TBC1D31: variants seen among roughly 807,000 people sequenced by gnomAD.
TBC1D31 encodes the protein WD repeat domain 67.
In TBC1D31, 99 loss-of-function variants were observed where a neutral mutation model predicts 132.9. The ratio of observed to expected loss-of-function variants is 0.74; its 90% CI spans 0.63 to 0.88. TBC1D31 has a LOEUF of 0.88. Ranked by LOEUF, TBC1D31 falls within the 40% of genes least tolerant of loss-of-function variation. The probability of loss-of-function intolerance (pLI) is 0.00; values close to 1 mark genes in which losing one functional copy is unlikely to be tolerated. For synonymous variants in TBC1D31, 385 were observed against 419.4 expected (o/e 0.92, Z 1.00); for missense variants, 1,134 against 1,256.6 (o/e 0.90, Z 1.48).
rs1021909436 is a variant in TBC1D31 at position 123,102,254 on chromosome 8, T to C, written c.1032+1247T>C. ...CCCTTTCATTTTACACAGGAAGAAG[T>C]TCGTGCTCAAAATTAATCACACAGC... On this transcript the variant is annotated intron_variant, in intron 7 of 21. Coordinates refer to ENST00000287380, the MANE Select transcript of TBC1D31 (RefSeq NM_145647.4). 5 of 456,758 alleles carry C rather than the reference T, an allele frequency of 1.1e-5. No homozygotes were observed. The Admixed American group carries it at 1.2e-4, about 11-fold the overall frequency. 28.3% of individuals were successfully genotyped at this position (456,758 alleles called of 1,614,324 possible). A position where few individuals can be genotyped will look rare whatever the true frequency, so the allele number is the denominator to read the frequency against.
chr8:123,110,761 A>G (rs1818366133), intron 10 of TBC1D31, among the ~76,000 whole-genome samples: 1 of 152,212 alleles, frequency 6.6e-6, no homozygotes, highest in Admixed American at 6.5e-5. Flanking sequence ...CACAAAAAAG[A>G]ATTAATAATT....
Position 123,088,189 on chromosome 8 carries a change from C to CAAA in TBC1D31, c.519+3860_519+3862dup, listed in dbSNP as rs71573665. 6.7e-4 allele frequency among the ~76,000 whole-genome samples: 94 copies of CAAA among 139,920 alleles called. 1 individual carries two copies. Among genetic ancestry groups the CAAA allele is most frequent in the African/African-American group, 2.0e-3 (78 of 39,000 alleles). 91.8% of individuals were successfully genotyped at this position (139,920 alleles called of 152,430 possible). ...GGGCAACAGAGCGAGACTCTTGTCT[C>CAAA]AAAAAAAAAAAAATACAATACAATA... On this transcript the variant is annotated intron_variant, in intron 4 of 21. Coordinates refer to ENST00000287380, the MANE Select transcript of TBC1D31 (RefSeq NM_145647.4).
downstream of TBC1D31, among the ~76,000 whole-genome samples, chr8:123,152,344 C>T (rs894318609): frequency 2.6e-5 from 4 of 152,186 alleles, no homozygotes; most frequent in East Asian, 7.7e-4. Context: ...ATATCACCAT[C>T]TTCCTGCCCA....
chr8:123,144,758 A>C lies in TBC1D31; in HGVS notation c.2877A>C (p.Ala959=). 1.2e-6 allele frequency: 2 copies of C among 1,612,518 alleles called. No individual in the cohort carries two copies. Among genetic ancestry groups the C allele is most frequent in the Non-Finnish European group, 1.7e-6 (2 of 1,179,638 alleles). The part of the protein sequence containing the change: ...AEGKEFRLRS[A]KKASALSDAS... ...GAAAAGAGTTCCGTTTGAGATCAGC[A>C]AAGAAAGCTTCTGCTCTTTCAGATG... is the stretch of plus-strand genomic sequence containing the variant. Residue 959 remains alanine, a synonymous_variant, in exon 20 of 22, where the codon GCA becomes GCC. Transcript: ENST00000287380.
At chr8:123,154,617 C>T (rs531349846), downstream of TBC1D31, among the ~76,000 whole-genome samples, 1 of 152,334 alleles carries the variant, frequency 6.6e-6, no homozygotes, top group South Asian at 2.1e-4. Context: ...CACAAGAAAC[C>T]ACCCTCAGGC....
chr8:123,093,760 A>G lies in TBC1D31; in HGVS notation c.671+18A>G. The G allele has an allele frequency of 2.1e-6, 3 of 1,425,192 alleles. No individual in the cohort carries two copies. The highest frequency in any genetic ancestry group is 2.8e-6 in the Non-Finnish European group (3 of 1,068,446). 88.3% of individuals were successfully genotyped at this position (1,425,192 alleles called of 1,614,324 possible). A position where few individuals can be genotyped will look rare whatever the true frequency, so the allele number is the denominator to read the frequency against. On this transcript the variant is annotated intron_variant, in intron 5 of 21. Transcript: ENST00000287380. ...GTAACCAGGTAATGTGCATTTTAAG[A>G]CACTAGGAATATTTAAGAAATTTAA...
Position 123,084,219 on chromosome 8 carries a change from C to T in TBC1D31, c.398C>T (p.Ser133Phe), listed in dbSNP as rs1003696910. ...CATGAATCATCAGTATTTTCGATCT[C>T]TGTGCATGCATCAGGGAAATATGCC... is the stretch of plus-strand genomic sequence containing the variant. ...RGHESSVFSI[S>F]VHASGKYAIT... Residue 133 changes from serine (S) to phenylalanine (F), a missense_variant, in exon 4 of 22, where the codon TCT becomes TTT. Transcript: ENST00000287380. 1.9e-6 allele frequency: 3 copies of T among 1,614,078 alleles called. No homozygotes were observed. The African/African-American group carries it at 4.0e-5, about 22-fold the overall frequency.
At chr8:123,119,712 C>G (rs190743868) in intron 10 of TBC1D31, among the ~76,000 whole-genome samples, 2 of 151,770 alleles carry the variant, frequency 1.3e-5, no homozygotes, top group Non-Finnish European at 2.9e-5. Flanking sequence ...GGCCCTGTTT[C>G]GGGAAAACAA....
chr8:123,075,693 A>C (rs186493625), intron 1 of TBC1D31, among the ~76,000 whole-genome samples: 1 of 151,796 alleles, frequency 6.6e-6, no homozygotes, highest in African/African-American at 2.4e-5. Context: ...ACAGAGCGAG[A>C]CTCCATCTCA....
In TBC1D31 at chr8:123,150,049, C is replaced by T; in HGVS notation, c.2988C>T (p.Phe996=). Residue 996 remains phenylalanine (F), a synonymous_variant, in exon 21 of 22, where the codon TTC becomes TTT. Coordinates refer to ENST00000287380, the MANE Select transcript of TBC1D31 (RefSeq NM_145647.4). ...CTTTTATAACAGAAGAACCCAGGTT[C>T]CAAAATGAACAGGACTCAAGCTGTT... ...ENPCHKEEPR[F]QNEQDSSCLP... is the part of the protein sequence containing the mutation. The T allele has an allele frequency of 1.2e-6, 2 of 1,613,802 alleles. No individual in the cohort carries two copies. The highest frequency in any genetic ancestry group is 2.2e-5 in the South Asian group (2 of 91,052).
intron 16 of TBC1D31, among the ~76,000 whole-genome samples, chr8:123,133,788 C>T (rs1047315835): frequency 5.3e-5 from 8 of 152,164 alleles, no homozygotes; most frequent in East Asian, 3.9e-4. Context: ...TTTTTATCTA[C>T]CCCAGATTTA....
chr8:123,072,930 G>T, intron 1 of TBC1D31, 84 bp downstream of exon 1: 1 of 1,388,912 alleles, frequency 7.2e-7, no homozygotes, highest in Non-Finnish European at 9.9e-7. Flanking sequence ...GCAGCGTTCC[G>T]GGTTCTGGCT....
chr8:123,143,779 CAG>C (rs1821923940), intron 19 of TBC1D31, among the ~76,000 whole-genome samples: 1 of 152,256 alleles, frequency 6.6e-6, no homozygotes, highest in Non-Finnish European at 1.5e-5. Context: ...CTCAGGAAAA[CAG>C]GGGTGGAAGC....
intron 8 of TBC1D31, among the ~76,000 whole-genome samples, 185 bp from the exon 9 acceptor site, chr8:123,109,132 T>C (rs1371899827): frequency 6.6e-6 from 1 of 152,176 alleles, no homozygotes; most frequent in East Asian, 1.9e-4. Flanking sequence ...TGAACTTTAT[T>C]GGCTATGTAT....
intron 3 of TBC1D31, chr8:123,083,416 A>T (rs1052583175): frequency 7.9e-5 from 12 of 151,062 alleles, no homozygotes; most frequent in East Asian, 1.9e-4. Context: ...TGTATTTATT[A>T]TTTTTTTTTA....
intron 21 of TBC1D31, among the ~76,000 whole-genome samples, chr8:123,150,543 T>C (rs1822670050): frequency 6.6e-6 from 1 of 152,216 alleles, no homozygotes; most frequent in South Asian, 2.1e-4. Flanking sequence ...TGGGCTGGGC[T>C]CCCTCCAACA....
At chr8:123,091,685 T>C (rs909756338) in intron 4 of TBC1D31, among the ~76,000 whole-genome samples, 1 of 152,218 alleles carries the variant, frequency 6.6e-6, no homozygotes, top group Non-Finnish European at 1.5e-5. Context: ...TCTAGTGCAT[T>C]ATATATGTGT....
chr8:123,164,776 G>C, the TBC1D31 span, among the ~76,000 whole-genome samples: 1 of 151,626 alleles, frequency 6.6e-6, no homozygotes, highest in Non-Finnish European at 1.5e-5. Flanking sequence ...CACAAGTCAA[G>C]TCCCCTCAAG....
At position 123,093,337 on chromosome 8, in the gene TBC1D31, A is replaced by T. The variant is rs540519813; in HGVS notation, c.520-254A>T. 3.9e-5 allele frequency among the ~76,000 whole-genome samples: 6 copies of T among 152,212 alleles called. No homozygotes were observed. In the East Asian group the frequency reaches 1.2e-3, roughly 29 times the overall value. On this transcript the variant is annotated intron_variant, in intron 4 of 21. Coordinates refer to ENST00000287380, the MANE Select transcript of TBC1D31 (RefSeq NM_145647.4). Reference sequence around the variant, plus strand: ...TTAGTAATATTAGGTGAAATTTTTTAAACTGTCATTTAGAATTTTGTGACT... The same window carrying T: ...TTAGTAATATTAGGTGAAATTTTTTTAACTGTCATTTAGAATTTTGTGACT...
Sources: gnomAD v4.1 joint callset for allele counts (sites outside exome capture counted in the v4.1 genomes callset) on GRCh38, gnomAD v4.1.1 for gene constraint, MANE v1.5 for transcripts, NCBI Gene and HGNC (gene_info 2026-07-23, HGNC 2026-07-21) for gene names.